Variants in DIP2A observed in about 807,000 individuals in gnomAD.
The protein encoded by DIP2A is disco-interacting protein 2 homolog A.
A neutral mutation model predicts 177.4 loss-of-function variants in DIP2A; 85 were observed. That is an observed-to-expected ratio of 0.48 (90% CI 0.40 to 0.57). DIP2A has a LOEUF of 0.57. DIP2A is among the 20% of genes least tolerant of loss of function. DIP2A has a pLI of 0.00. For missense variants in DIP2A, 1,791 were observed against 2,100.2 expected, an observed-to-expected ratio of 0.85 and a Z score of 2.88; for synonymous variants, 886 against 881.8, an observed-to-expected ratio of 1.00 and a Z score of -0.08.
chr21:46,566,027 G>A (rs1023041348), intron 36 of DIP2A, 140 bp downstream of exon 36: 11 of 1,050,462 alleles, frequency 1.0e-5, no homozygotes, highest in African/African-American at 3.2e-5. Flanking sequence ...TGTTCTGACA[G>A]CAGTTTTCTC....
At chr21:46,523,241 T>C (rs2058907294) in intron 8 of DIP2A, among the ~76,000 whole-genome samples, 1 of 148,018 alleles carries the variant, frequency 6.8e-6, no homozygotes, top group South Asian at 2.1e-4. Flanking sequence ...TTTATTTATT[T>C]ATTTATTTTT....
Position 46,556,820 on chromosome 21 carries a change from T to A in DIP2A, c.3499-119T>A. 1.2e-6 allele frequency: 1 copy of A among 859,706 alleles called. No homozygotes were observed. Among genetic ancestry groups the A allele is most frequent in the Non-Finnish European group, 1.7e-6 (1 of 589,304 alleles). The allele number at this position is 859,706 out of a possible 1,614,324, so 53.3% of individuals were successfully genotyped here. The stretch of plus-strand genomic sequence containing the variant: ...CAACCGTCTTTTAAGGAAATAAATA[T>A]GATGTTTGGTAGTTCGGAGCTATGG... On this transcript the variant is annotated intron_variant, in intron 29 of 37. Transcript: ENST00000417564. The surrounding 1 kb of genome is among the most constrained non-coding windows in gnomAD (Gnocchi z 4.5).
chr21:46,463,573 GA>G (rs2054508290), intron 1 of DIP2A, among the ~76,000 whole-genome samples: 1 of 151,994 alleles, frequency 6.6e-6, no homozygotes, highest in Non-Finnish European at 1.5e-5. Context: ...AGTCTAGATG[GA>G]ATAAAATGAA....
rs763000887 is a variant in DIP2A, at chr21:46,549,842, C to T, written c.2594C>T (p.Ala865Val). 17 of 1,612,950 alleles carry T rather than the reference C, an allele frequency of 1.1e-5. No individual in the cohort carries two copies. ...IVLVAEQRPD[A>V]SEEDSFQWMS... ...CTGGTGGCTGAGCAGCGGCCGGATG[C>T]CTCGGAGGAGGACAGCTTCCAGTGG... The change falls in exon 22 of 38, where the codon GCC (alanine) becomes GTC (valine). Residue 865 changes from alanine (A) to valine (V), a missense_variant. Ala to Val is a moderately conservative substitution (Grantham distance 64, BLOSUM62 0). Transcript: ENST00000417564.
Position 46,563,613 on chromosome 21 carries a change from C to T in DIP2A, c.4090-245C>T. On this transcript the variant is annotated intron_variant, in intron 34 of 37. Coordinates refer to ENST00000417564, the MANE Select transcript of DIP2A (RefSeq NM_015151.4). The surrounding 1 kb of genome is among the most constrained non-coding windows in gnomAD (Gnocchi z 4.3). ...TTGTAGGCTTAGTGACCCTCTGCCC[C>T]TCCTGACACCCAGAGACGGGATCCC... is the stretch of plus-strand genomic sequence containing the variant. The T allele has an allele frequency of 1.8e-6, 1 of 565,560 alleles. No homozygotes were observed. The allele number at this position is 565,560 out of a possible 1,614,324, so 35.0% of individuals were successfully genotyped here.
At position 46,498,736 on chromosome 21, in the gene DIP2A, C is replaced by G. The variant is rs746393933; in HGVS notation, c.558C>G (p.His186Gln). Residue 186 changes from histidine to glutamine, a missense_variant, in exon 5 of 38, where the codon CAC (histidine) becomes CAG (glutamine). Coordinates refer to ENST00000417564, the MANE Select transcript of DIP2A (RefSeq NM_015151.4). This position sits in a 1 kb window ranked among gnomAD's most constrained non-coding sequence, Gnocchi z 4.3. ...TSSSASSTSS[H>Q]PGGRPTTAPS... Reference sequence around the variant, plus strand: ...CCTCTGCATCCTCCACCTCATCTCACCCGGGAGGGAGACCCACCACTGCTC... The same window carrying G: ...CCTCTGCATCCTCCACCTCATCTCAGCCGGGAGGGAGACCCACCACTGCTC... 3 of 1,613,932 alleles carry G rather than the reference C, an allele frequency of 1.9e-6. No individual in the cohort carries two copies. In the South Asian group the frequency reaches 3.3e-5, roughly 18 times the overall value.
chr21:46,494,557 T>A (rs2057199772), intron 3 of DIP2A, among the ~76,000 whole-genome samples: 1 of 152,216 alleles, frequency 6.6e-6, no homozygotes, highest in Non-Finnish European at 1.5e-5. Flanking sequence ...GGCCAGAATA[T>A]TTCCGTAAAG....
intron 3 of DIP2A, among the ~76,000 whole-genome samples, chr21:46,495,240 T>TC (rs60545868): frequency 0.019 from 889 of 46,806 alleles, 2 homozygotes; most frequent in Middle Eastern, 0.053. Flanking sequence ...TTCTCTTCTC[T>TC]TCTTTCTCTC....
rs371547722 is a variant in DIP2A, at chr21:46,565,780, C to T, written c.4232C>T (p.Ala1411Val). Reference protein sequence around the residue: ...YTVYGEEALHADHFSARLSFG... With the variant: ...YTVYGEEALHVDHFSARLSFG... ...GTTTACGGGGAGGAGGCGCTTCATG[C>T]CGACCACTTCAGTGCCCGGCTGAGT... Residue 1411 changes from alanine to valine, a missense_variant, in exon 36 of 38, where the codon GCC becomes GTC. By Grantham distance (64) the Ala-to-Val change is moderately conservative. Coordinates refer to ENST00000417564, the MANE Select transcript of DIP2A (RefSeq NM_015151.4). 22 of 1,613,858 alleles carry T rather than the reference C, an allele frequency of 1.4e-5. No individual in the cohort carries two copies. The highest frequency in any genetic ancestry group is 1.0e-4 in the Admixed American group (6 of 60,006).
chr21:46,496,768 C>G (rs1174373476), intron 3 of DIP2A, among the ~76,000 whole-genome samples: 3 of 152,084 alleles, frequency 2.0e-5, no homozygotes, highest in Non-Finnish European at 4.4e-5. Context: ...CTCTTTTATT[C>G]AGTTTTGATT....
Position 46,533,606 on chromosome 21 carries a change from G to C in DIP2A, c.1388G>C (p.Gly463Ala), listed in dbSNP as rs1221847196. The C allele has an allele frequency of 6.2e-7, 1 of 1,614,044 alleles. No homozygotes were observed. Among genetic ancestry groups the C allele is most frequent in the Non-Finnish European group, 8.5e-7 (1 of 1,179,910 alleles). The change falls in exon 11 of 38, where the codon GGC becomes GCC. Residue 463 changes from glycine to alanine, a missense_variant. Transcript: ENST00000417564. Reference protein sequence around the residue: ...LALTTDACQKGLPKAQTGEVA... With the variant: ...LALTTDACQKALPKAQTGEVA... ...CTGACCACAGACGCTTGTCAGAAAGGCCTCCCCAAGGCACAGACAGGAGAG... is the reference window on the plus strand; with the variant it reads ...CTGACCACAGACGCTTGTCAGAAAGCCCTCCCCAAGGCACAGACAGGAGAG...
intron 8 of DIP2A, among the ~76,000 whole-genome samples, chr21:46,515,894 C>G (rs957107339): frequency 6.6e-6 from 1 of 152,122 alleles, no homozygotes; most frequent in Non-Finnish European, 1.5e-5. Flanking sequence ...CTTTCTTTTA[C>G]TATATACATT....
At chr21:46,522,859 A>T (rs2058884797) in intron 8 of DIP2A, among the ~76,000 whole-genome samples, 1 of 152,158 alleles carries the variant, frequency 6.6e-6, no homozygotes, top group Non-Finnish European at 1.5e-5. Context: ...CCAGGCTGTT[A>T]GACCTTGAAT....
At chr21:46,552,167 A>C (rs1407507318) in intron 25 of DIP2A, among the ~76,000 whole-genome samples, 2 of 152,102 alleles carry the variant, frequency 1.3e-5, no homozygotes, top group Admixed American at 6.5e-5. Context: ...ATTTCTATTG[A>C]TTTTGTGTTT....
At chr21:46,513,119 G>A (rs1422805227) in intron 8 of DIP2A, among the ~76,000 whole-genome samples, 1 of 146,840 alleles carries the variant, frequency 6.8e-6, no homozygotes, top group Non-Finnish European at 1.5e-5. Context: ...TTTTTTTCCT[G>A]TATTGTAGCT....
chr21:46,515,464 T>TA (rs538630572), intron 8 of DIP2A, among the ~76,000 whole-genome samples: 6,217 of 151,964 alleles, frequency 0.041, 185 homozygotes, highest in Non-Finnish European at 0.063. Context: ...TTTTTTTTTT[T>TA]TATATATTCT....
chr21:46,476,545 G>A (rs1212871484), intron 1 of DIP2A, among the ~76,000 whole-genome samples: 1 of 152,122 alleles, frequency 6.6e-6, no homozygotes, highest in Admixed American at 6.5e-5. Context: ...ATCAGACAGG[G>A]TAGTAAGTGT....
At chr21:46,546,165 A>G in intron 20 of DIP2A, 2 of 1,366,600 alleles carry the variant, frequency 1.5e-6, no homozygotes, top group Non-Finnish European at 9.5e-7. Flanking sequence ...AGTCCTGCAC[A>G]CAGGCCTGAG....
At chr21:46,502,330 CTA>C (rs1415130855) in intron 5 of DIP2A, among the ~76,000 whole-genome samples, 12 of 150,886 alleles carry the variant, frequency 8.0e-5, no homozygotes, top group African/African-American at 2.9e-4. Flanking sequence ...TGGGAGCTCA[CTA>C]TGTTGCCCAG....
Sources: allele counts gnomAD v4.1 joint callset (sites outside exome capture counted in the v4.1 genomes callset), GRCh38; gene constraint gnomAD v4.1.1; non-coding constraint Gnocchi (gnomAD v3.1); transcripts MANE v1.5; gene names NCBI Gene and HGNC (gene_info 2026-07-23, HGNC 2026-07-21).